The following TNN variants were observed in gnomAD, a reference collection of about 807,000 sequenced individuals.
TNN encodes the protein tenascin N.
Under a neutral mutation model 134.4 loss-of-function variants are expected in TNN, and 122 were observed. The ratio of observed to expected loss-of-function variants is 0.91; its 90% CI spans 0.78 to 1.06. TNN has a LOEUF of 1.06. Among genes scored for constraint, TNN ranks in the 50% least tolerant of loss-of-function variants. The pLI is 0.00. For synonymous variants in TNN, 710 were observed against 670.3 expected (o/e 1.06, Z -0.91); for missense variants, 1,739 against 1,699.4 (o/e 1.02, Z -0.41).
rs202153945 is a variant in TNN, at chr1:175,097,632, G to T, written c.1804G>T (p.Ala602Ser). 2.0e-5 allele frequency: 32 copies of T among 1,614,224 alleles called. No individual in the cohort carries two copies. In the East Asian group the frequency reaches 6.9e-4, roughly 35 times the overall value. The change falls in exon 8 of 19, where the codon GCC becomes TCC. Residue 602 changes from alanine (A) to serine (S), a missense_variant. Ala to Ser is a moderately conservative substitution (Grantham distance 99, BLOSUM62 1). Transcript: ENST00000239462. ...PGVEYTVHVW[A>S]QKGDRESKKA... is the part of the protein sequence containing the mutation. ...TGTGGAGTACACAGTGCATGTCTGG[G>T]CCCAGAAGGGGGACCGAGAGAGCAA...
intron 15 of TNN, 61 bp downstream of exon 15, chr1:175,128,807 C>A: frequency 6.5e-7 from 1 of 1,527,644 alleles, no homozygotes; most frequent in South Asian, 1.3e-5. Flanking sequence ...CCCAGGATGC[C>A]GGTCATGGAT....
chr1:175,097,853 G>C (rs1005597278), intron 8 of TNN, among the ~76,000 whole-genome samples, 170 bp downstream of exon 8: 2 of 152,168 alleles, frequency 1.3e-5, no homozygotes, highest in Non-Finnish European at 2.9e-5. Flanking sequence ...TTTCCTGACA[G>C]TGATGAGCTG....
intron 7 of TNN, among the ~76,000 whole-genome samples, chr1:175,095,508 T>G (rs1037004783): frequency 6.6e-6 from 1 of 152,210 alleles, no homozygotes; most frequent in Non-Finnish European, 1.5e-5. Context: ...CACGTGACTC[T>G]CTGTTTACTA....
At chr1:175,132,236 G>T (rs1675694130) in intron 15 of TNN, among the ~76,000 whole-genome samples, 1 of 152,086 alleles carries the variant, frequency 6.6e-6, no homozygotes. Flanking sequence ...ATTCGATTTG[G>T]GAAACAGATT....
At chr1:175,109,658 A>G (rs1282850837) in intron 9 of TNN, among the ~76,000 whole-genome samples, 1 of 149,040 alleles carries the variant, frequency 6.7e-6, no homozygotes, top group South Asian at 2.1e-4. Context: ...GTGTATGTAT[A>G]TGTGTATATA....
At chr1:175,073,438 C>T (rs1025121734) in intron 1 of TNN, among the ~76,000 whole-genome samples, 2 of 152,150 alleles carry the variant, frequency 1.3e-5, no homozygotes, top group Non-Finnish European at 2.9e-5. Flanking sequence ...ACAAAAATCT[C>T]AAGCAGATTC....
At position 175,103,641 on chromosome 1, in the gene TNN, C is replaced by A. The variant is rs1022023386; in HGVS notation, c.2119+5046C>A. 2.8e-5 allele frequency among the ~76,000 whole-genome samples: 4 copies of A among 143,346 alleles called. 1 individual carries two copies. Among genetic ancestry groups the A allele is most frequent in the Non-Finnish European group, 6.2e-5 (4 of 65,014 alleles). The allele number at this position is 143,346 out of a possible 152,430, so 94.0% of individuals were successfully genotyped here. On this transcript the variant is annotated intron_variant, in intron 9 of 18. Coordinates refer to ENST00000239462, the MANE Select transcript of TNN (RefSeq NM_022093.2). ...TCTTTGTCTTTTCCTTTCTTCTTAA[C>A]TTTTTTTTTGACTTTCTGTGTCTGT...
chr1:175,119,463 C>T (rs1401364422), intron 11 of TNN, among the ~76,000 whole-genome samples: 1 of 152,054 alleles, frequency 6.6e-6, no homozygotes, highest in African/African-American at 2.4e-5. Flanking sequence ...TTGTGCTGAC[C>T]TCCTATCTTA....
rs745346359 is a variant in TNN, at chr1:175,116,967, C to T, written c.2148C>T (p.Thr716=). 42 of 1,614,036 alleles carry T rather than the reference C, an allele frequency of 2.6e-5. No individual in the cohort carries two copies. Among genetic ancestry groups the T allele is most frequent in the Admixed American group, 2.3e-4 (14 of 60,002 alleles). The change falls in exon 10 of 19, where the codon ACC becomes ACT. Residue 716 remains threonine (T), a synonymous_variant. Coordinates refer to ENST00000239462, the MANE Select transcript of TNN (RefSeq NM_022093.2). ...TDIDSPQNLV[T]DRVTENMATV... is the part of the protein sequence containing the mutation. Reference sequence around the variant, plus strand: ...TTGACAGCCCCCAAAACCTGGTGACCGACCGGGTGACAGAGAATATGGCCA... The same window carrying T: ...TTGACAGCCCCCAAAACCTGGTGACTGACCGGGTGACAGAGAATATGGCCA...
intron 3 of TNN, 79 bp from the exon 4 acceptor site, chr1:175,080,084 T>C (rs1226036502): frequency 8.3e-6 from 13 of 1,564,920 alleles, no homozygotes; most frequent in East Asian, 2.2e-5. Flanking sequence ...CCCACCCTTA[T>C]AGTGCTCAGG....
chr1:175,132,580 C>T (rs567685184), intron 15 of TNN, among the ~76,000 whole-genome samples: 1 of 152,316 alleles, frequency 6.6e-6, no homozygotes, highest in South Asian at 2.1e-4. Context: ...TAGCTCTTGC[C>T]TATTTATAGA....
intron 9 of TNN, among the ~76,000 whole-genome samples, chr1:175,100,346 C>G (rs939311013): frequency 6.6e-6 from 1 of 152,242 alleles, no homozygotes; most frequent in African/African-American, 2.4e-5. Context: ...TGGTTGAGAA[C>G]TGCTGCTCTA....
intron 9 of TNN, among the ~76,000 whole-genome samples, chr1:175,103,696 T>C (rs60238142): frequency 0.013 from 1,897 of 145,092 alleles, 163 homozygotes; most frequent in African/African-American, 0.044. Context: ...TTTTTGTCTC[T>C]GTTTCTGACT....
At chr1:175,076,179 G>A (rs1452254833) in intron 1 of TNN, among the ~76,000 whole-genome samples, 1 of 152,116 alleles carries the variant, frequency 6.6e-6, no homozygotes, top group East Asian at 1.9e-4. Flanking sequence ...GGGCACAAGG[G>A]GAAATGGCTG....
chr1:175,089,345 G>A (rs1050494667), intron 6 of TNN, among the ~76,000 whole-genome samples: 1 of 152,188 alleles, frequency 6.6e-6, no homozygotes, highest in Non-Finnish European at 1.5e-5. Context: ...CAGGGAAATG[G>A]TTGACTGAAA....
At position 175,105,673 on chromosome 1, in the gene TNN, T is replaced by C. The variant is rs1050398845; in HGVS notation, c.2119+7078T>C. ...ATTTTTCCCCATCAGAAAGAGAATATTGGGGCCAAGCCGTAGTGCAGGAAA... is the reference window on the plus strand; with the variant it reads ...ATTTTTCCCCATCAGAAAGAGAATACTGGGGCCAAGCCGTAGTGCAGGAAA... On this transcript the variant is annotated intron_variant, in intron 9 of 18. Transcript: ENST00000239462. Among the ~76,000 whole-genome samples the C allele has an allele frequency of 5.5e-5, 8 of 145,812 alleles. 2 individuals carry two copies. The highest frequency in any genetic ancestry group is 1.2e-4 in the Non-Finnish European group (8 of 65,712).
chr1:175,086,510 G>A (rs1210629141), intron 6 of TNN, among the ~76,000 whole-genome samples: 1 of 152,194 alleles, frequency 6.6e-6, no homozygotes, highest in East Asian at 1.9e-4. Context: ...AGAACATAGT[G>A]CCATTCGGGG....
intron 9 of TNN, among the ~76,000 whole-genome samples, chr1:175,114,333 G>A (rs924099925): frequency 1.3e-5 from 2 of 152,230 alleles, no homozygotes; most frequent in Admixed American, 6.5e-5. Context: ...ATAACTATGG[G>A]CATATCAGTG....
At chr1:175,083,997 G>A in intron 5 of TNN, 62 bp downstream of exon 5, 1 of 1,545,554 alleles carries the variant, frequency 6.5e-7, no homozygotes, top group Non-Finnish European at 8.8e-7. Context: ...GATAGTGTGT[G>A]CAGAGGGCAC....
Sources: allele counts gnomAD v4.1 joint callset (sites outside exome capture counted in the v4.1 genomes callset), GRCh38; gene constraint gnomAD v4.1.1; transcripts MANE v1.5; gene names NCBI Gene and HGNC (gene_info 2026-07-23, HGNC 2026-07-21).